The following IQCM variants were observed in gnomAD, a reference collection of about 807,000 sequenced individuals.
IQCM encodes IQ domain-containing protein M.
A neutral mutation model predicts 57.6 loss-of-function variants in IQCM; 45 were observed. The observed-to-expected ratio is 0.78, with a 90% confidence interval of 0.62 to 1.00. IQCM has a LOEUF of 1.00. Ranked by LOEUF, IQCM falls within the 50% of genes least tolerant of loss-of-function variation. The pLI is 0.00. For synonymous variants in IQCM, 148 were observed against 158.9 expected, an observed-to-expected ratio of 0.93 and a Z score of 0.51; for missense variants, 468 against 511.6, an observed-to-expected ratio of 0.91 and a Z score of 0.82.
intron 7 of IQCM, among the ~76,000 whole-genome samples, chr4:149,659,359 T>C (rs1759950039): frequency 6.6e-6 from 1 of 152,102 alleles, no homozygotes; most frequent in African/African-American, 2.4e-5. Context: ...GAACATTCCA[T>C]ACTCACGGGT....
At position 149,433,478 on chromosome 4, in the gene IQCM, A is replaced by C. The variant is rs1735059075; in HGVS notation, c.1308T>G (p.Gly436=). ...GTAGTGTACTGTCAGGCACATGTGC[A>C]CCTTCAGGAGGATAGAGTGTAAATA... ...EMLFTLYPPE[G]AHVPDSTLLK... is the part of the protein sequence containing the mutation. Residue 436 remains glycine, a synonymous_variant, in exon 13 of 14, where the codon GGT becomes GGG. Transcript: ENST00000636793. 2.5e-6 allele frequency: 3 copies of C among 1,216,390 alleles called. No individual in the cohort carries two copies. In the East Asian group the frequency reaches 9.5e-5, roughly 39 times the overall value. The allele number at this position is 1,216,390 out of a possible 1,614,324, so 75.3% of individuals were successfully genotyped here. A position where few individuals can be genotyped will look rare whatever the true frequency, so the allele number is the denominator to read the frequency against.
At chr4:149,417,346 T>G (rs1173575455) in intron 13 of IQCM, among the ~76,000 whole-genome samples, 1 of 152,136 alleles carries the variant, frequency 6.6e-6, no homozygotes, top group African/African-American at 2.4e-5. Flanking sequence ...TCTATCTGCA[T>G]GTTCATCTCT....
At chr4:149,486,347 A>T (rs1741511076) in intron 12 of IQCM, among the ~76,000 whole-genome samples, 1 of 151,774 alleles carries the variant, frequency 6.6e-6, no homozygotes, top group East Asian at 1.9e-4. Flanking sequence ...TGGCACCCAC[A>T]CCATAGTACA....
intron 13 of IQCM, among the ~76,000 whole-genome samples, chr4:149,404,444 A>C (rs890950623): frequency 1.3e-5 from 2 of 152,088 alleles, no homozygotes; most frequent in Admixed American, 1.3e-4. Context: ...CTCTCAAACA[A>C]GAGTACCCTG....
intron 5 of IQCM, among the ~76,000 whole-genome samples, chr4:149,711,837 G>A (rs1202076065): frequency 6.6e-6 from 1 of 152,140 alleles, no homozygotes; most frequent in African/African-American, 2.4e-5. Flanking sequence ...TAGTACTTAT[G>A]AGCACCTGTT....
intron 5 of IQCM, among the ~76,000 whole-genome samples, chr4:149,717,048 A>T (rs1765064013): frequency 6.6e-6 from 1 of 152,108 alleles, no homozygotes; most frequent in African/African-American, 2.4e-5. Flanking sequence ...GTATCTCTTC[A>T]CCTGGCTGTT....
At chr4:149,437,775 G>A (rs1173466755) in intron 12 of IQCM, among the ~76,000 whole-genome samples, 1 of 152,082 alleles carries the variant, frequency 6.6e-6, no homozygotes, top group East Asian at 1.9e-4. Context: ...AAAAGAAAGA[G>A]CATCTATTGT....
intron 9 of IQCM, among the ~76,000 whole-genome samples, chr4:149,585,252 G>C (rs975181821): frequency 6.6e-6 from 1 of 151,588 alleles, no homozygotes; most frequent in Non-Finnish European, 1.5e-5. Context: ...CTGATGGAAG[G>C]TTATAATATA....
intron 12 of IQCM, among the ~76,000 whole-genome samples, chr4:149,519,277 C>A (rs4835166): frequency 6.6e-6 from 1 of 152,012 alleles, no homozygotes; most frequent in Admixed American, 6.5e-5. Context: ...AATTTTTTTG[C>A]TTCCAAAAAG....
At chr4:149,472,845 A>C (rs1739730210) in intron 12 of IQCM, among the ~76,000 whole-genome samples, 2 of 152,204 alleles carry the variant, frequency 1.3e-5, no homozygotes, top group Admixed American at 6.5e-5. Flanking sequence ...GATCTTTGAC[A>C]AACCTGACAA....
intron 2 of IQCM, among the ~76,000 whole-genome samples, chr4:149,796,807 A>G (rs115055062): frequency 0.022 from 3,346 of 152,264 alleles, 64 homozygotes; most frequent in South Asian, 0.036. Context: ...TCTTGTCCAA[A>G]ACTATCAAGG....
Position 149,686,466 on chromosome 4 carries a change from G to C in IQCM, c.388C>G (p.Gln130Glu). The change falls in exon 6 of 14, where the codon CAA becomes GAA. Residue 130 changes from glutamine (Q) to glutamate (E), a missense_variant and splice_region_variant. Coordinates refer to ENST00000636793, the MANE Select transcript of IQCM (RefSeq NM_001363507.2). ...GTCATGATTTTATCCAATTTAACTT[G>C]TCCTGAAATTTTGTTAAAGTTTTAA... is the stretch of plus-strand genomic sequence containing the variant. ...CRPIDLITKG[Q>E]VKLDKIMTII... 1.6e-6 allele frequency: 2 copies of C among 1,216,566 alleles called. No individual in the cohort carries two copies. Among genetic ancestry groups the C allele is most frequent in the Non-Finnish European group, 2.1e-6 (2 of 974,426 alleles). 75.4% of individuals were successfully genotyped at this position (1,216,566 alleles called of 1,614,324 possible).
intron 5 of IQCM, among the ~76,000 whole-genome samples, chr4:149,711,677 A>C (rs2149832783): frequency 6.9e-6 from 1 of 145,752 alleles, no homozygotes; most frequent in African/African-American, 2.4e-5. Flanking sequence ...AACTTTCATA[A>C]AATAAAAAAG....
chr4:149,776,196 AT>A (rs1771075870), intron 2 of IQCM, among the ~76,000 whole-genome samples: 1 of 152,140 alleles, frequency 6.6e-6, no homozygotes, highest in Admixed American at 6.5e-5. Flanking sequence ...ACAGACATAA[AT>A]GTCCAAGGAA....
At chr4:149,396,534 G>A (rs1732241238) in intron 13 of IQCM, among the ~76,000 whole-genome samples, 1 of 151,902 alleles carries the variant, frequency 6.6e-6, no homozygotes, top group Non-Finnish European at 1.5e-5. Context: ...TATCAGTATA[G>A]AGTAGGTCAT....
chr4:149,806,209 T>C (rs1326356979), intron 2 of IQCM, among the ~76,000 whole-genome samples: 1 of 151,904 alleles, frequency 6.6e-6, no homozygotes, highest in East Asian at 1.9e-4. Context: ...TTATGTGTTT[T>C]CTTTCTTTGC....
At chr4:149,607,784 G>A (rs563150367) in intron 8 of IQCM, among the ~76,000 whole-genome samples, 4 of 151,800 alleles carry the variant, frequency 2.6e-5, no homozygotes, top group Non-Finnish European at 4.4e-5. Flanking sequence ...TTTTAGATAC[G>A]TAACATTTTA....
chr4:149,398,964 G>A (rs2111119950), intron 13 of IQCM, among the ~76,000 whole-genome samples: 1 of 152,046 alleles, frequency 6.6e-6, no homozygotes, highest in South Asian at 2.1e-4. Context: ...TGAACTACTT[G>A]GCTTAAGTGA....
intron 9 of IQCM, among the ~76,000 whole-genome samples, chr4:149,578,810 C>A (rs1393233483): frequency 6.6e-6 from 1 of 151,782 alleles, no homozygotes; most frequent in Non-Finnish European, 1.5e-5. Flanking sequence ...ACTGGGGAGA[C>A]CCCCAAGCGG....
Sources: gnomAD v4.1 joint callset for allele counts (sites outside exome capture counted in the v4.1 genomes callset) on GRCh38, gnomAD v4.1.1 for gene constraint, MANE v1.5 for transcripts, NCBI Gene and HGNC (gene_info 2026-07-23, HGNC 2026-07-21) for gene names.